Variants in SLA observed in about 807,000 individuals in gnomAD.
The protein encoded by SLA is Src like adaptor.
A neutral mutation model predicts 30.3 loss-of-function variants in SLA; 16 were observed. That is an observed-to-expected ratio of 0.53 (90% CI 0.36 to 0.80). SLA has a LOEUF of 0.80. SLA is among the 30% of genes least tolerant of loss of function. The pLI is 0.01. For synonymous variants in SLA, 143 were observed against 137.8 expected, an observed-to-expected ratio of 1.04 and a Z score of -0.26; for missense variants, 310 against 345.2, an observed-to-expected ratio of 0.90 and a Z score of 0.81.
intron 1 of SLA, chr8:133,094,978 G>C: frequency 6.2e-7 from 1 of 1,608,068 alleles, no homozygotes; most frequent in Admixed American, 1.7e-5. Context: ...TGGCACTGAG[G>C]ACTCCAGGTG....
At chr8:133,069,041 A>G (rs1461495128) in intron 2 of SLA, among the ~76,000 whole-genome samples, 6 of 152,258 alleles carry the variant, frequency 3.9e-5, no homozygotes, top group East Asian at 3.8e-4. Context: ...TAGCCATTAC[A>G]TAGAATGGGG....
rs146436193 is a variant in SLA, at chr8:133,065,135, C to T, written c.-40-4935G>A. On this transcript the variant is annotated intron_variant, in intron 2 of 8. Transcript: ENST00000338087. ...CGGCAAGTGGAGAAGCCTCAATGTCCACCATATATGTGAATGCCAACAACA... is the reference window on the plus strand; with the variant it reads ...CGGCAAGTGGAGAAGCCTCAATGTCTACCATATATGTGAATGCCAACAACA... Among the ~76,000 whole-genome samples the T allele has an allele frequency of 4.1e-3, 627 of 152,290 alleles. 3 individuals are homozygous for T. The highest frequency in any genetic ancestry group is 0.014 in the African/African-American group (591 of 41,544).
At chr8:133,045,171 C>T (rs1839086304) in intron 6 of SLA, 56 bp from the exon 7 acceptor site, 1 of 1,594,998 alleles carries the variant, frequency 6.3e-7, no homozygotes, top group East Asian at 2.3e-5. Context: ...CCCAAGGCAC[C>T]CAGCTAACCA....
intron 3 of SLA, among the ~76,000 whole-genome samples, chr8:133,056,761 G>A (rs185221671): frequency 1.3e-3 from 194 of 152,284 alleles, no homozygotes; most frequent in African/African-American, 2.3e-3. Flanking sequence ...AATCATTCCC[G>A]TTTTACAAAG....
At chr8:133,073,619 C>T (rs1229089124) in intron 2 of SLA, among the ~76,000 whole-genome samples, 1 of 152,190 alleles carries the variant, frequency 6.6e-6, no homozygotes, top group East Asian at 1.9e-4. Flanking sequence ...CTCCACTTTT[C>T]GAAGGACCAC....
rs1050002185 is a variant in SLA, at chr8:133,048,084, A to T, written c.249-151T>A. On this transcript the variant is annotated intron_variant, in intron 5 of 8. Coordinates refer to ENST00000338087, the MANE Select transcript of SLA (RefSeq NM_001045556.3). ...GCATCATCTCTCTTCCACAGATGAG[A>T]ATACTGAGGGTTCCAGTGATTAAGT... is the stretch of plus-strand genomic sequence containing the variant. 6.8e-6 allele frequency: 4 copies of T among 587,084 alleles called. No individual in the cohort carries two copies. The African/African-American group carries it at 7.5e-5, about 11-fold the overall frequency. 36.4% of individuals were successfully genotyped at this position (587,084 alleles called of 1,614,324 possible). A position where few individuals can be genotyped will look rare whatever the true frequency, so the allele number is the denominator to read the frequency against.
intron 3 of SLA, among the ~76,000 whole-genome samples, chr8:133,054,549 A>G (rs1287974043): frequency 1.3e-5 from 2 of 152,244 alleles, no homozygotes; most frequent in Non-Finnish European, 2.9e-5. Context: ...GGCCTGCCTT[A>G]GTAAGTGGAA....
chr8:133,059,906 C>G (rs1321880288), intron 3 of SLA, among the ~76,000 whole-genome samples, 194 bp downstream of exon 3: 1 of 152,194 alleles, frequency 6.6e-6, no homozygotes, highest in Non-Finnish European at 1.5e-5. Context: ...TTCAGGTGCG[C>G]CGAGCACCCA....
At chr8:133,101,212 C>G (rs1429689931) in intron 1 of SLA, among the ~76,000 whole-genome samples, 1 of 152,110 alleles carries the variant, frequency 6.6e-6, no homozygotes, top group Non-Finnish European at 1.5e-5. Flanking sequence ...AGGATTCTAC[C>G]CCACACAGAA....
chr8:133,038,868 CTTA>C, intron 8 of SLA, 131 bp from the exon 9 acceptor site: 2 of 611,544 alleles, frequency 3.3e-6, no homozygotes, highest in South Asian at 4.2e-5. Flanking sequence ...ATTTCTCTAA[CTTA>C]TTATTATTTT....
chr8:133,074,270 G>T (rs1389886403), intron 2 of SLA, among the ~76,000 whole-genome samples: 1 of 152,058 alleles, frequency 6.6e-6, no homozygotes, highest in Non-Finnish European at 1.5e-5. Flanking sequence ...TCTTAAAGAA[G>T]ATGCATACAA....
At position 133,061,050 on chromosome 8, in the gene SLA, C is replaced by G. The variant is rs187025026; in HGVS notation, c.-40-850G>C. On this transcript the variant is annotated intron_variant, in intron 2 of 8. Coordinates refer to ENST00000338087, the MANE Select transcript of SLA (RefSeq NM_001045556.3). ...TTTTTGAGACGCAGTCTCACTCTGT[C>G]GCCTAGGTTGGAGTGCAATGGCACG... Among the ~76,000 whole-genome samples, 4 of 152,330 alleles carry G rather than the reference C, an allele frequency of 2.6e-5. No individual in the cohort carries two copies. In the East Asian group the frequency reaches 7.7e-4, roughly 29 times the overall value.
chr8:133,078,258 G>A (rs1011811929), intron 1 of SLA, among the ~76,000 whole-genome samples: 1 of 152,212 alleles, frequency 6.6e-6, no homozygotes, highest in South Asian at 2.1e-4. Flanking sequence ...TGGGCAGCCT[G>A]TGAGCTGCAT....
intron 3 of SLA, chr8:133,059,099 C>T (rs1309135294): frequency 4.4e-6 from 2 of 456,334 alleles, no homozygotes; most frequent in Admixed American, 4.7e-5. Flanking sequence ...GTCCACTTCC[C>T]TGTCAGGCTC....
At chr8:133,043,263 C>T (rs1221957660) in intron 7 of SLA, among the ~76,000 whole-genome samples, 1 of 152,124 alleles carries the variant, frequency 6.6e-6, no homozygotes, top group Non-Finnish European at 1.5e-5. Flanking sequence ...CTCATGGCCT[C>T]ATGGTCCCTA....
chr8:133,102,007 A>T lies in SLA; in HGVS notation c.-319+546T>A, dbSNP rs569564171. On this transcript the variant is annotated intron_variant, in intron 1 of 8. Coordinates refer to ENST00000338087, the MANE Select transcript of SLA (RefSeq NM_001045556.3). ...TCCCTATCTGTGAAGTTGGGAGATG[A>T]TTAGTAAATATCCTCATAAAGATGT... Among the ~76,000 whole-genome samples, 3 of 152,362 alleles carry T rather than the reference A, an allele frequency of 2.0e-5. No individual in the cohort carries two copies. In the South Asian group the frequency reaches 6.2e-4, roughly 32 times the overall value.
chr8:133,096,769 C>G (rs1263438343), intron 1 of SLA, among the ~76,000 whole-genome samples: 1 of 152,156 alleles, frequency 6.6e-6, no homozygotes, highest in Non-Finnish European at 1.5e-5. Context: ...TCACCCTTTC[C>G]CAATCCTGAA....
intron 1 of SLA, among the ~76,000 whole-genome samples, chr8:133,090,563 G>C (rs1251503121): frequency 6.6e-6 from 1 of 152,180 alleles, no homozygotes; most frequent in Admixed American, 6.5e-5. Flanking sequence ...CATCAGCCTA[G>C]GTTGTAACGA....
intron 8 of SLA, among the ~76,000 whole-genome samples, chr8:133,039,151 T>A (rs1228850599): frequency 2.6e-5 from 4 of 152,338 alleles, no homozygotes; most frequent in African/African-American, 9.6e-5. Flanking sequence ...AGTGCTGGGG[T>A]TACAGGCGTG....
Sources: gnomAD v4.1 joint callset for allele counts (sites outside exome capture counted in the v4.1 genomes callset) on GRCh38, gnomAD v4.1.1 for gene constraint, MANE v1.5 for transcripts, NCBI Gene and HGNC (gene_info 2026-07-23, HGNC 2026-07-21) for gene names.